Variants in SRCAP observed in about 807,000 individuals in gnomAD.
SRCAP encodes chromatin remodeling protein SRCAP.
In SRCAP, 46 loss-of-function variants were observed where a neutral mutation model predicts 263.1. The ratio of observed to expected loss-of-function variants is 0.17; its 90% CI spans 0.14 to 0.22. SRCAP has a LOEUF of 0.22. Ranked by LOEUF, SRCAP falls within the 10% of genes least tolerant of loss-of-function variation. The pLI is 1.00. For synonymous variants in SRCAP, 1,813 were observed against 1,662.1 expected (o/e 1.09, Z -2.21); for missense variants, 3,695 against 4,181.9 (o/e 0.88, Z 3.21).
intron 18 of SRCAP, among the ~76,000 whole-genome samples, chr16:30,719,477 A>G (rs911198819): frequency 1.0e-4 from 15 of 150,480 alleles, no homozygotes; most frequent in African/African-American, 3.7e-4. Flanking sequence ...GGCCTCCAGA[A>G]GTGCTGGGAT....
intron 33 of SRCAP, 29 bp from the exon 34 acceptor site, chr16:30,737,020 C>T (rs373358405): frequency 2.6e-6 from 4 of 1,549,298 alleles, no homozygotes; most frequent in Non-Finnish European, 3.5e-6. Context: ...TTGCCTCCTC[C>T]TGACCACTTT....
chr16:30,730,167 A>G (rs1404250202), intron 27 of SRCAP, among the ~76,000 whole-genome samples: 2 of 152,258 alleles, frequency 1.3e-5, no homozygotes, highest in African/African-American at 4.8e-5. Flanking sequence ...TTGGGATACA[A>G]TAGCAAGTAA....
rs1293978200 is a variant in SRCAP, at chr16:30,724,219, G to A, written c.4795G>A (p.Ala1599Thr). The A allele has an allele frequency of 6.2e-7, 1 of 1,613,884 alleles. No individual in the cohort carries two copies. Among genetic ancestry groups the A allele is most frequent in the Admixed American group, 1.7e-5 (1 of 59,978 alleles). ...GGCGGCTCCACAGACAGCAATTCTG[G>A]CTCCTTCTCCAGCTCCTCCTCTGGC... is the stretch of plus-strand genomic sequence containing the variant. ...PMAAPQTAIL[A>T]PSPAPPLAPL... Residue 1599 changes from alanine (A) to threonine (T), a missense_variant, in exon 25 of 34, where the codon GCT (alanine) becomes ACT (threonine). Transcript: ENST00000262518.
At chr16:30,711,116 C>T (rs1226338606) in intron 10 of SRCAP, 28 bp downstream of exon 10, 3 of 1,572,036 alleles carry the variant, frequency 1.9e-6, no homozygotes, top group East Asian at 2.3e-5. Context: ...TTTTACTAAG[C>T]ATCCACTTGG....
In SRCAP at chr16:30,712,046, T is replaced by C. The variant is rs762100506; in HGVS notation, c.1704T>C (p.Ser568=). 1 of 1,613,966 alleles carries C rather than the reference T, an allele frequency of 6.2e-7. No individual in the cohort carries two copies. The highest frequency in any genetic ancestry group is 8.5e-7 in the Non-Finnish European group (1 of 1,179,992). ...AGCAGAGTGAGGCAGATGCAGGCAG[T>C]GGGCCTCCTACTCCAGGGCCCACTA... The part of the protein sequence containing the change: ...DEEQSEADAG[S]GPPTPGPTTL... The change falls in exon 12 of 34, where the codon AGT becomes AGC. Residue 568 remains serine (S), a synonymous_variant. Transcript: ENST00000262518.
At chr16:30,722,468 T>C in intron 22 of SRCAP, 95 bp from the exon 23 acceptor site, 2 of 1,506,730 alleles carry the variant, frequency 1.3e-6, no homozygotes. Context: ...GAGAATGTAT[T>C]CCCTCTCTGT....
At chr16:30,699,687 C>G (rs1408901420) in intron 1 of SRCAP, among the ~76,000 whole-genome samples, 1 of 151,986 alleles carries the variant, frequency 6.6e-6, no homozygotes, top group Non-Finnish European at 1.5e-5. Context: ...AGCCTTTACA[C>G]TTAAAATTTT....
chr16:30,721,104 G>A, intron 20 of SRCAP, 85 bp from the exon 21 acceptor site: 1 of 1,540,796 alleles, frequency 6.5e-7, no homozygotes, highest in East Asian at 2.3e-5. Context: ...TATTTGATGG[G>A]TTGGAAGGGA....
intron 18 of SRCAP, 123 bp from the exon 19 acceptor site, chr16:30,720,039 T>A: frequency 9.9e-7 from 1 of 1,007,606 alleles, no homozygotes. Context: ...AGTGAGTACA[T>A]GTGGTATTTG....
At position 30,706,304 on chromosome 16, in the gene SRCAP, A is replaced by G. The variant is rs183550337; in HGVS notation, c.307-879A>G. On this transcript the variant is annotated intron_variant, in intron 4 of 33. Coordinates refer to ENST00000262518, the MANE Select transcript of SRCAP (RefSeq NM_006662.3). ...AACCTCGCCCCTACGAAAAATACAA[A>G]AAAATTAGCTGGGCATGGTTGCATG... 3.9e-3 allele frequency among the ~76,000 whole-genome samples: 600 copies of G among 152,254 alleles called. 4 individuals are homozygous for G. The highest frequency in any genetic ancestry group is 0.014 in the African/African-American group (565 of 41,538).
intron 16 of SRCAP, among the ~76,000 whole-genome samples, chr16:30,714,555 G>A (rs925321667): frequency 8.8e-6 from 1 of 113,856 alleles, no homozygotes; most frequent in Non-Finnish European, 1.7e-5. Context: ...AGGCTGGAGT[G>A]CAGTGGCGTG....
chr16:30,723,014 A>C lies in SRCAP; in HGVS notation c.3944A>C (p.Gln1315Pro). ...NTGVVKIVVR[Q>P]APRDGLTPVP... ...GGCGTGGTGAAGATTGTAGTGAGACAAGCCCCTCGGGATGGACTGACTCCT... is the reference window on the plus strand; with the variant it reads ...GGCGTGGTGAAGATTGTAGTGAGACCAGCCCCTCGGGATGGACTGACTCCT... Residue 1315 changes from glutamine (Q) to proline (P), a missense_variant, in exon 24 of 34, where the codon CAA (glutamine) becomes CCA (proline). Physicochemically the swap from Gln to Pro is moderately conservative, Grantham distance 76. Around this residue, in one of 12 missense-constraint regions of SRCAP, gnomAD observed 1,347 missense variants for 1,304.4 expected, o/e 1.03. Coordinates refer to ENST00000262518, the MANE Select transcript of SRCAP (RefSeq NM_006662.3). 1 of 1,613,974 alleles carries C rather than the reference A, an allele frequency of 6.2e-7. No homozygotes were observed. The highest frequency in any genetic ancestry group is 8.5e-7 in the Non-Finnish European group (1 of 1,179,982).
chr16:30,705,448 G>C (rs1388948528), intron 4 of SRCAP, among the ~76,000 whole-genome samples: 13 of 152,092 alleles, frequency 8.5e-5, no homozygotes, highest in Admixed American at 8.5e-4. Flanking sequence ...GCCCAGGCTG[G>C]AGTGCAGTGG....
chr16:30,707,666 C>T lies in SRCAP; in HGVS notation c.587C>T (p.Ser196Phe). The change falls in exon 6 of 34, where the codon TCC becomes TTC. Residue 196 changes from serine to phenylalanine, a missense_variant. Physicochemically the swap from Ser to Phe is radical, Grantham distance 155 (BLOSUM62 -2). Transcript: ENST00000262518. ...CAGGCCAAGCTGCGTCGAATTGCTT[C>T]CACCATGGCCAAGGATGTCAGGCAG... ...EEQAKLRRIASTMAKDVRQFW... is the reference protein window; with the variant it reads ...EEQAKLRRIAFTMAKDVRQFW... The T allele has an allele frequency of 6.2e-7, 1 of 1,614,134 alleles. No homozygotes were observed. The highest frequency in any genetic ancestry group is 8.5e-7 in the Non-Finnish European group (1 of 1,180,028).
chr16:30,713,327 C>T lies in SRCAP; in HGVS notation c.2250C>T (p.Asn750=), dbSNP rs1416479698. Residue 750 remains asparagine (N), a synonymous_variant, in exon 15 of 34, where the codon AAC becomes AAT. Transcript: ENST00000262518. The part of the protein sequence containing the change: ...WRYLILDEAQ[N]IKNFKSQRWQ... ...ATCTCATTCTGGATGAGGCGCAGAA[C>T]ATCAAGAACTTCAAGTCACAGCGCT... The T allele has an allele frequency of 6.2e-7, 1 of 1,614,152 alleles. No individual in the cohort carries two copies. Among genetic ancestry groups the T allele is most frequent in the Non-Finnish European group, 8.5e-7 (1 of 1,180,036 alleles).
chr16:30,734,879 T>C (rs1313230518), intron 31 of SRCAP, among the ~76,000 whole-genome samples: 1 of 152,140 alleles, frequency 6.6e-6, no homozygotes, highest in Admixed American at 6.6e-5. Flanking sequence ...CAATCGTCAC[T>C]CTTCTGAACC....
chr16:30,713,810 A>C, intron 16 of SRCAP, 99 bp downstream of exon 16: 1 of 1,128,028 alleles, frequency 8.9e-7, no homozygotes, highest in Non-Finnish European at 1.3e-6. Flanking sequence ...GAGGGAAGTC[A>C]GTGCCAGGCT....
In SRCAP at chr16:30,707,380, G is replaced by T. The variant is rs200528955; in HGVS notation, c.492+12G>T. 1 of 1,612,444 alleles carries T rather than the reference G, an allele frequency of 6.2e-7. No homozygotes were observed. The highest frequency in any genetic ancestry group is 8.5e-7 in the Non-Finnish European group (1 of 1,178,970). On this transcript the variant is annotated intron_variant, in intron 5 of 33. Transcript: ENST00000262518. Reference sequence around the variant, plus strand: ...GTGTGGCCCGGAAGGTAGGTCTTCCGCTGGGACTTCCTTCCTTTTCCTTTT... The same window carrying T: ...GTGTGGCCCGGAAGGTAGGTCTTCCTCTGGGACTTCCTTCCTTTTCCTTTT...
At chr16:30,734,119 G>A (rs991291936) in intron 30 of SRCAP, 111 bp downstream of exon 30, 1 of 940,064 alleles carries the variant, frequency 1.1e-6, no homozygotes, top group African/African-American at 1.7e-5. Flanking sequence ...GAGGCAGGCG[G>A]ATCACTTGAG....
Sources: gnomAD v4.1 joint callset for allele counts (sites outside exome capture counted in the v4.1 genomes callset) on GRCh38, gnomAD v4.1.1 for gene constraint, gnomAD v4.1.1 regional missense constraint, MANE v1.5 for transcripts, NCBI Gene and HGNC (gene_info 2026-07-23, HGNC 2026-07-21) for gene names.